CREBBP: variants seen among roughly 807,000 people sequenced by gnomAD.
CREBBP encodes the protein CREB-binding protein.
Under a neutral mutation model 265.0 loss-of-function variants are expected in CREBBP, and 19 were observed. The observed-to-expected ratio is 0.07, with a 90% CI of 0.05 to 0.11. CREBBP has a LOEUF of 0.11. Ranked by LOEUF, CREBBP falls within the 10% of genes least tolerant of loss-of-function variation. CREBBP has a pLI of 1.00. For missense variants in CREBBP, 2,525 were observed against 3,219.0 expected, an observed-to-expected ratio of 0.78 and a Z score of 5.22; for synonymous variants, 1,457 against 1,223.7, an observed-to-expected ratio of 1.19 and a Z score of -3.98.
At chr16:3,877,694 G>A (rs1054188201) in intron 1 of CREBBP, among the ~76,000 whole-genome samples, 6 of 152,222 alleles carry the variant, frequency 3.9e-5, no homozygotes, top group African/African-American at 1.4e-4. Flanking sequence ...CATGAGCCAT[G>A]GCGCCCAGCA....
intron 5 of CREBBP, among the ~76,000 whole-genome samples, chr16:3,784,242 CTTAA>C (rs1306013439): frequency 7.2e-5 from 11 of 152,136 alleles, no homozygotes; most frequent in Non-Finnish European, 1.3e-4. Context: ...ACCAGAGCAA[CTTAA>C]TTAAACTAAA....
chr16:3,870,166 T>C (rs779344865), intron 1 of CREBBP, among the ~76,000 whole-genome samples: 2 of 151,826 alleles, frequency 1.3e-5, no homozygotes, highest in Non-Finnish European at 2.9e-5. Flanking sequence ...TCACACCAAA[T>C]CTAGGAGAAC....
At chr16:3,758,101 C>A (rs1461397186) in intron 17 of CREBBP, 53 bp from the exon 18 acceptor site, 1 of 1,595,140 alleles carries the variant, frequency 6.3e-7, no homozygotes, top group Non-Finnish European at 8.6e-7. Flanking sequence ...TATCCAAATG[C>A]CAGTCTCATC....
chr16:3,826,339 A>G (rs1323037498), intron 2 of CREBBP, among the ~76,000 whole-genome samples: 1 of 152,220 alleles, frequency 6.6e-6, no homozygotes, highest in African/African-American at 2.4e-5. Flanking sequence ...GTCTAAATAA[A>G]TTATGTAGAC....
chr16:3,844,917 T>TA (rs1275468188), intron 2 of CREBBP, among the ~76,000 whole-genome samples: 2 of 152,074 alleles, frequency 1.3e-5, no homozygotes, highest in African/African-American at 4.8e-5. Context: ...AAAACCATAC[T>TA]ATGCTTCCAA....
chr16:3,758,959 C>T lies in CREBBP; in HGVS notation c.3264G>A (p.Glu1088=), dbSNP rs753043941. The stretch of plus-strand genomic sequence containing the variant: ...TTGGCATGAGGGCCTGGCGTAACTC[C>T]TCTGGTTTAAAGACTGCAGAGAAAA... The part of the protein sequence containing the change: ...SQPRKKIFKP[E]ELRQALMPTL... Residue 1088 remains glutamate (E), a synonymous_variant, in exon 17 of 31, where the codon GAG becomes GAA. Coordinates refer to ENST00000262367, the MANE Select transcript of CREBBP (RefSeq NM_004380.3). 8.7e-6 allele frequency: 14 copies of T among 1,612,666 alleles called. No homozygotes were observed. The South Asian group carries it at 1.5e-4, about 18-fold the overall frequency.
rs779528907 is a variant in CREBBP, at chr16:3,728,234, A to C, written c.6813T>G (p.Leu2271=). Residue 2271 remains leucine, a synonymous_variant, in exon 31 of 31, where the codon CTT becomes CTG. Transcript: ENST00000262367. This position sits in a 1 kb window ranked among gnomAD's most constrained non-coding sequence, Gnocchi z 8.7. The stretch of plus-strand genomic sequence containing the variant: ...CCAGCCCCGGCTGCCCCATCTGGCC[A>C]AGCTGTCCCATCTGAGCCGCCATCT... The part of the protein sequence containing the change: ...MGQMAAQMGQ[L]GQMGQPGLGA... 1 of 1,613,222 alleles carries C rather than the reference A, an allele frequency of 6.2e-7. No individual in the cohort carries two copies. The highest frequency in any genetic ancestry group is 8.5e-7 in the Non-Finnish European group (1 of 1,179,900).
At position 3,758,820 on chromosome 16, in the gene CREBBP, CAA is replaced by C. The variant is rs781157762; in HGVS notation, c.3369+32_3369+33del. The C allele has an allele frequency of 7.3e-4, 1,095 of 1,503,038 alleles. 12 individuals carry two copies. The highest frequency in any genetic ancestry group is 2.3e-4 in the Middle Eastern group (1 of 4,302). 93.1% of individuals were successfully genotyped at this position (1,503,038 alleles called of 1,614,324 possible). On this transcript the variant is annotated intron_variant, in intron 17 of 30. Transcript: ENST00000262367. Reference sequence around the variant, plus strand: ...AATGGACACTCAGAAGTCACACCAGCAAAGTTATAATCTATTTTTATGAATTA... The same window carrying C: ...AATGGACACTCAGAAGTCACACCAGCAGTTATAATCTATTTTTATGAATTA...
At chr16:3,814,845 G>A (rs1443818855) in intron 2 of CREBBP, among the ~76,000 whole-genome samples, 1 of 152,190 alleles carries the variant, frequency 6.6e-6, no homozygotes, top group African/African-American at 2.4e-5. Context: ...CTACATGCAG[G>A]AGGTTAGGGT....
At chr16:3,742,364 G>C (rs1432162640) in intron 23 of CREBBP, 2 of 152,286 alleles carry the variant, frequency 1.3e-5, no homozygotes, top group East Asian at 3.9e-4. Flanking sequence ...TTATGTCCTT[G>C]TATGTGCCGT....
rs2051915650 is a variant in CREBBP at position 3,731,506 on chromosome 16, A to G, written c.4891-33T>C. The G allele has an allele frequency of 6.4e-7, 1 of 1,560,468 alleles. No individual in the cohort carries two copies. Among genetic ancestry groups the G allele is most frequent in the Non-Finnish European group, 8.7e-7 (1 of 1,155,912 alleles). ...AGAGGAGGGGCTTTAGTCCCACACAAGGGACATGGCACCTCCAGTGGTGAG... is the reference window on the plus strand; with the variant it reads ...AGAGGAGGGGCTTTAGTCCCACACAGGGGACATGGCACCTCCAGTGGTGAG... On this transcript the variant is annotated intron_variant, in intron 29 of 30. Transcript: ENST00000262367. This position sits in a 1 kb window ranked among gnomAD's most constrained non-coding sequence, Gnocchi z 7.7.
intron 3 of CREBBP, among the ~76,000 whole-genome samples, chr16:3,807,646 C>T (rs2053856214): frequency 6.6e-6 from 1 of 152,172 alleles, no homozygotes; most frequent in Non-Finnish European, 1.5e-5. Flanking sequence ...TCAGGCTTTG[C>T]AAACAGGAAG....
At chr16:3,825,028 T>C (rs963851023) in intron 2 of CREBBP, among the ~76,000 whole-genome samples, 1 of 152,196 alleles carries the variant, frequency 6.6e-6, no homozygotes, top group Non-Finnish European at 1.5e-5. Context: ...CTAAGATCTC[T>C]TTGCAAAAAT....
chr16:3,861,126 CA>C (rs1475089383), intron 1 of CREBBP, among the ~76,000 whole-genome samples: 1 of 151,892 alleles, frequency 6.6e-6, no homozygotes, highest in East Asian at 1.9e-4. Context: ...CTGAAAATTA[CA>C]AAAAATTAGC....
chr16:3,764,420 G>A (rs895666257), intron 16 of CREBBP, among the ~76,000 whole-genome samples: 1 of 151,612 alleles, frequency 6.6e-6, no homozygotes, highest in African/African-American at 2.4e-5. Flanking sequence ...GGGACTACAG[G>A]TGCACCACCA....
chr16:3,800,428 A>G (rs765738164), intron 3 of CREBBP, among the ~76,000 whole-genome samples: 1 of 152,138 alleles, frequency 6.6e-6, no homozygotes, highest in Non-Finnish European at 1.5e-5. Flanking sequence ...CTTCCAGTAA[A>G]AATTCTTAAA....
intron 16 of CREBBP, among the ~76,000 whole-genome samples, chr16:3,761,725 G>A (rs1228722756): frequency 6.6e-6 from 1 of 152,222 alleles, no homozygotes; most frequent in Non-Finnish European, 1.5e-5. Context: ...GCAAAGGCCT[G>A]GTCCAGGGTG....
chr16:3,782,235 A>T (rs977004668), intron 6 of CREBBP, among the ~76,000 whole-genome samples: 2 of 152,214 alleles, frequency 1.3e-5, no homozygotes, highest in African/African-American at 4.8e-5. Context: ...AAGAGTTTCC[A>T]GGACTCCTGT....
intron 30 of CREBBP, 26 bp from the exon 31 acceptor site, chr16:3,729,900 C>T (rs746404025): frequency 6.9e-6 from 11 of 1,598,560 alleles, no homozygotes; most frequent in African/African-American, 6.7e-5. Flanking sequence ...GGGGACAGGC[C>T]GGTGTCAGCA....
Sources: gnomAD v4.1 joint callset for allele counts (sites outside exome capture counted in the v4.1 genomes callset) on GRCh38, gnomAD v4.1.1 for gene constraint, Gnocchi (gnomAD v3.1) non-coding constraint, MANE v1.5 for transcripts, NCBI Gene and HGNC (gene_info 2026-07-23, HGNC 2026-07-21) for gene names.